KCNC4: variants seen among roughly 807,000 people sequenced by gnomAD.
KCNC4 encodes potassium voltage-gated channel subfamily C member 4.
A neutral mutation model predicts 42.8 loss-of-function variants in KCNC4; 23 were observed. That is an observed-to-expected ratio of 0.54 (90% confidence interval 0.39 to 0.76). The LOEUF is 0.76. Among genes scored for constraint, KCNC4 ranks in the 30% least tolerant of loss-of-function variants. The pLI is 0.00. For missense variants in KCNC4, 751 were observed against 898.2 expected (o/e 0.84, Z 2.10); for synonymous variants, 422 against 393.5 (o/e 1.07, Z -0.86).
At chr1:110,219,600 C>T (rs755767037) in intron 1 of KCNC4, 5 of 152,168 alleles carry the variant, frequency 3.3e-5, no homozygotes, top group Non-Finnish European at 7.3e-5. Context: ...CAGGATGGTC[C>T]AGTGGGGAAT....
chr1:110,257,677 C>T (rs1307429291), intron 1 of KCNC4, among the ~76,000 whole-genome samples: 2 of 142,392 alleles, frequency 1.4e-5, no homozygotes, highest in South Asian at 2.3e-4. Context: ...GCCGAGATCG[C>T]GCTACTGCAC....
At chr1:110,229,574 T>C (rs1658592163) in intron 3 of KCNC4, among the ~76,000 whole-genome samples, 1 of 152,184 alleles carries the variant, frequency 6.6e-6, no homozygotes, top group Non-Finnish European at 1.5e-5. Context: ...TCACCTGCCA[T>C]TCCCACCCAG....
chr1:110,223,986 C>A lies in KCNC4; in HGVS notation c.1615+86C>A. On this transcript the variant is annotated intron_variant, in intron 2 of 3. Coordinates refer to ENST00000438661, the MANE Select transcript of KCNC4 (RefSeq NM_001039574.3). This position sits in a 1 kb window ranked among gnomAD's most constrained non-coding sequence, Gnocchi z 7.5. ...ATGGACCTCAGACCTTGGGATTTGG[C>A]ATGTGTTTTGTGTGGGGCTTCCCTA... is the stretch of plus-strand genomic sequence containing the variant. The A allele has an allele frequency of 9.0e-7, 1 of 1,116,034 alleles. No homozygotes were observed. The highest frequency in any genetic ancestry group is 1.3e-6 in the Non-Finnish European group (1 of 785,070). The allele number at this position is 1,116,034 out of a possible 1,614,324, so 69.1% of individuals were successfully genotyped here.
chr1:110,232,717 T>C, intron 3 of KCNC4, 194 bp from the exon 4 acceptor site: 1 of 1,507,052 alleles, frequency 6.6e-7, no homozygotes, highest in Non-Finnish European at 8.8e-7. Context: ...CCTGGGTTCC[T>C]CATGCCTTCC....
intron 1 of KCNC4, among the ~76,000 whole-genome samples, chr1:110,254,952 C>A (rs1659305213): frequency 6.6e-6 from 1 of 152,230 alleles, no homozygotes; most frequent in African/African-American, 2.4e-5. Context: ...CTACTATGTT[C>A]TGGAAAGGGT....
chr1:110,231,384 C>T (rs1362295762), intron 3 of KCNC4, among the ~76,000 whole-genome samples: 1 of 152,142 alleles, frequency 6.6e-6, no homozygotes, highest in Non-Finnish European at 1.5e-5. Flanking sequence ...AAGACCCCTC[C>T]CCAACTCTCA....
intron 1 of KCNC4, among the ~76,000 whole-genome samples, chr1:110,279,045 A>G (rs1410616014): frequency 2.0e-5 from 3 of 152,108 alleles, no homozygotes; most frequent in Non-Finnish European, 4.4e-5. Flanking sequence ...TCCACCCACC[A>G]GGCTTGGATT....
chr1:110,224,025 G>A, intron 2 of KCNC4, 125 bp downstream of exon 2: 1 of 792,688 alleles, frequency 1.3e-6, no homozygotes, highest in Non-Finnish European at 2.0e-6. Flanking sequence ...ATAAAGATGT[G>A]CCTTTATGAG....
chr1:110,250,757 G>C (rs1265885430), downstream of KCNC4, among the ~76,000 whole-genome samples: 1 of 152,122 alleles, frequency 6.6e-6, no homozygotes, highest in Non-Finnish European at 1.5e-5. Flanking sequence ...AAGAGGAAAG[G>C]AAGACCCCCT....
At chr1:110,264,761 G>A (rs538988692) in intron 1 of KCNC4, among the ~76,000 whole-genome samples, 3 of 152,244 alleles carry the variant, frequency 2.0e-5, no homozygotes, top group East Asian at 1.9e-4. Flanking sequence ...ATCCCTACTC[G>A]TCTCTGGAGA....
rs370020605 is a variant in KCNC4, at chr1:110,223,070, G to A, written c.785G>A (p.Arg262His). The change falls in exon 2 of 4, where the codon CGC (arginine) becomes CAC (histidine). Residue 262 changes from arginine (R) to histidine (H), a missense_variant. Transcript: ENST00000438661. The surrounding 1 kb of genome is among the most constrained non-coding windows in gnomAD (Gnocchi z 7.5). ...NIDRNVTEIL[R>H]VGNITSVHFR... ...GACCGCAACGTGACAGAGATCCTCC[G>A]CGTAGGGAACATCACCAGCGTGCAC... 64 of 1,614,044 alleles carry A rather than the reference G, an allele frequency of 4.0e-5. No homozygotes were observed. The highest frequency in any genetic ancestry group is 1.2e-4 in the African/African-American group (9 of 74,902).
intron 1 of KCNC4, among the ~76,000 whole-genome samples, chr1:110,278,416 G>T (rs1037692886): frequency 2.0e-5 from 3 of 152,166 alleles, no homozygotes; most frequent in Non-Finnish European, 4.4e-5. Context: ...AGTATGCAGT[G>T]CTACTATCAT....
chr1:110,231,866 C>T (rs1223548253), intron 3 of KCNC4, among the ~76,000 whole-genome samples: 4 of 152,188 alleles, frequency 2.6e-5, no homozygotes, highest in African/African-American at 9.7e-5. Flanking sequence ...AAGATGAGGA[C>T]ACCCCTTCCC....
At chr1:110,231,807 G>C (rs1324572967) in intron 3 of KCNC4, among the ~76,000 whole-genome samples, 1 of 150,750 alleles carries the variant, frequency 6.6e-6, no homozygotes, top group African/African-American at 2.5e-5. Context: ...AGTGTTTAAG[G>C]AGGTGGCTGG....
chr1:110,210,726 G>C lies in KCNC4; in HGVS notation c.-774G>C, dbSNP rs1038531130. ...GCGCGGCCCCCGCAGCGCTGCGCCC[G>C]GTCCGGCGCAGCTCCCAGCCGCGGA... On this transcript the variant is annotated 5_prime_UTR_variant, in exon 1 of 4. Coordinates refer to ENST00000438661, the MANE Select transcript of KCNC4 (RefSeq NM_001039574.3). Among the ~76,000 whole-genome samples, 15 of 151,286 alleles carry C rather than the reference G, an allele frequency of 9.9e-5. No individual in the cohort carries two copies. The highest frequency in any genetic ancestry group is 7.8e-4 in the East Asian group (4 of 5,126).
exon 4 of KCNC4, chr1:110,241,482 A>T (rs1659034256): frequency 6.6e-6 from 1 of 152,110 alleles, no homozygotes; most frequent in African/African-American, 2.4e-5. Context: ...AGGATAGATA[A>T]TTTTTTCGAT....
chr1:110,247,562 T>G (rs28450321), exon 4 of KCNC4: 1 of 148,434 alleles, frequency 6.7e-6, no homozygotes, highest in East Asian at 1.9e-4. Flanking sequence ...TTTCTTTTTT[T>G]TTTTTTTTTT....
At chr1:110,226,434 CACAA>C in intron 3 of KCNC4, 1 of 528,446 alleles carries the variant, frequency 1.9e-6, no homozygotes, top group South Asian at 2.0e-5. Flanking sequence ...GTAAAGGGTG[CACAA>C]GGCCAGGGTC....
chr1:110,267,697 G>A (rs944248237), intron 1 of KCNC4, among the ~76,000 whole-genome samples: 1 of 152,136 alleles, frequency 6.6e-6, no homozygotes, highest in Non-Finnish European at 1.5e-5. Flanking sequence ...TCACCACCAG[G>A]AAGGGACTGA....
Sources: gnomAD v4.1 joint callset for allele counts (sites outside exome capture counted in the v4.1 genomes callset) on GRCh38, gnomAD v4.1.1 for gene constraint, Gnocchi (gnomAD v3.1) non-coding constraint, MANE v1.5 for transcripts, NCBI Gene and HGNC (gene_info 2026-07-23, HGNC 2026-07-21) for gene names.